ANKS1B: variants seen among roughly 807,000 people sequenced by gnomAD.
The protein encoded by ANKS1B is ankyrin repeat and sterile alpha motif domain-containing protein 1B.
Under a neutral mutation model 148.3 loss-of-function variants are expected in ANKS1B, and 36 were observed. The observed-to-expected ratio is 0.24, with a 90% CI of 0.19 to 0.32. ANKS1B has a LOEUF of 0.32. ANKS1B is among the 10% of genes least tolerant of loss of function. The pLI is 1.00. For synonymous variants in ANKS1B, 542 were observed against 560.8 expected, an observed-to-expected ratio of 0.97 and a Z score of 0.47; for missense variants, 1,157 against 1,542.6, an observed-to-expected ratio of 0.75 and a Z score of 4.19.
intron 8 of ANKS1B, among the ~76,000 whole-genome samples, chr12:99,664,981 C>T (rs1278336501): frequency 6.6e-6 from 1 of 152,158 alleles, no homozygotes; most frequent in Non-Finnish European, 1.5e-5. Flanking sequence ...AAGTAATATT[C>T]CATTGTATGG....
intron 9 of ANKS1B, among the ~76,000 whole-genome samples, chr12:99,618,472 G>T (rs1020458172): frequency 6.6e-6 from 1 of 152,072 alleles, no homozygotes; most frequent in African/African-American, 2.4e-5. Flanking sequence ...AATTCAAGAA[G>T]GAAAATGGGA....
chr12:99,612,148 G>A (rs2097908092), intron 9 of ANKS1B, among the ~76,000 whole-genome samples: 1 of 152,048 alleles, frequency 6.6e-6, no homozygotes, highest in South Asian at 2.1e-4. Flanking sequence ...CCCAAGCAAT[G>A]CAAAGTCATG....
chr12:98,786,608 A>G (rs879332117), intron 22 of ANKS1B, among the ~76,000 whole-genome samples: 23 of 152,238 alleles, frequency 1.5e-4, no homozygotes, highest in Non-Finnish European at 2.5e-4. Context: ...ATGCAGAATC[A>G]GTAGTATGGA....
At position 99,179,730 on chromosome 12, in the gene ANKS1B, G is replaced by T. The variant is rs73373872; in HGVS notation, c.2420-25335C>A. ...CTCATCTATAAAATTAGGAAAATCT[G>T]TAAAGTGAGTACCTATATAATAGGG... is the stretch of plus-strand genomic sequence containing the variant. On this transcript the variant is annotated intron_variant, in intron 14 of 26. Coordinates refer to ENST00000683438, the MANE Select transcript of ANKS1B (RefSeq NM_001352186.2). Among the ~76,000 whole-genome samples the T allele has an allele frequency of 2.1e-3, 315 of 152,250 alleles. 1 individual carries two copies. Among genetic ancestry groups the T allele is most frequent in the African/African-American group, 7.4e-3 (307 of 41,540 alleles).
chr12:99,665,162 T>C (rs1041952255), intron 8 of ANKS1B, among the ~76,000 whole-genome samples: 2 of 152,210 alleles, frequency 1.3e-5, no homozygotes, highest in Non-Finnish European at 2.9e-5. Flanking sequence ...ACACGGTAAA[T>C]GCATCAAACT....
chr12:99,716,165 C>T (rs566242394), intron 8 of ANKS1B, among the ~76,000 whole-genome samples: 41 of 151,704 alleles, frequency 2.7e-4, no homozygotes, highest in Admixed American at 5.9e-4. Flanking sequence ...TTCCGTGCCC[C>T]GACCTCTTAT....
intron 9 of ANKS1B, among the ~76,000 whole-genome samples, chr12:99,559,644 G>A (rs955026958): frequency 1.3e-5 from 2 of 152,084 alleles, no homozygotes; most frequent in Non-Finnish European, 2.9e-5. Context: ...ATTCAATGAG[G>A]TAGGTTTTAT....
intron 15 of ANKS1B, among the ~76,000 whole-genome samples, chr12:99,133,164 G>A (rs954560256): frequency 3.3e-5 from 5 of 150,426 alleles, no homozygotes; most frequent in Admixed American, 6.7e-5. Context: ...CAATTCTTCC[G>A]CCTCAGCCTC....
rs186613411 is a variant in ANKS1B, at chr12:99,960,888, C to G, written c.134+23216G>C. Among the ~76,000 whole-genome samples the G allele has an allele frequency of 1.2e-3, 189 of 151,912 alleles. 1 individual carries two copies. The highest frequency in any genetic ancestry group is 4.3e-3 in the African/African-American group (178 of 41,222). Reference sequence around the variant, plus strand: ...AGCATTGCTATTAACACAATTGTCACTTTGGATAAGGTGTCCAACTGCATC... The same window carrying G: ...AGCATTGCTATTAACACAATTGTCAGTTTGGATAAGGTGTCCAACTGCATC... On this transcript the variant is annotated intron_variant, in intron 1 of 26. Coordinates refer to ENST00000683438, the MANE Select transcript of ANKS1B (RefSeq NM_001352186.2).
intron 14 of ANKS1B, among the ~76,000 whole-genome samples, chr12:99,212,121 A>T (rs1027753128): frequency 2.0e-5 from 3 of 152,234 alleles, no homozygotes; most frequent in African/African-American, 7.2e-5. Context: ...GGGCGGCTAC[A>T]GTACTTCCGT....
At chr12:99,817,351 T>C (rs886486759) in intron 2 of ANKS1B, among the ~76,000 whole-genome samples, 5 of 151,722 alleles carry the variant, frequency 3.3e-5, no homozygotes, top group African/African-American at 9.7e-5. Flanking sequence ...GATTTCATTC[T>C]TTTTTATGGT....
chr12:99,159,564 C>CT (rs1566515166), intron 14 of ANKS1B, among the ~76,000 whole-genome samples: 1 of 151,814 alleles, frequency 6.6e-6, no homozygotes. Context: ...AATTTTTTTT[C>CT]TTTTTTTATG....
intron 1 of ANKS1B, among the ~76,000 whole-genome samples, chr12:99,921,413 T>G (rs767257097): frequency 5.3e-5 from 8 of 152,154 alleles, no homozygotes; most frequent in Non-Finnish European, 8.8e-5. Flanking sequence ...TTAAACGTCT[T>G]CCTTTTATAA....
chr12:98,854,527 A>G (rs192096046), intron 17 of ANKS1B, among the ~76,000 whole-genome samples: 1 of 152,354 alleles, frequency 6.6e-6, no homozygotes, highest in East Asian at 1.9e-4. Context: ...GAAGGAAACA[A>G]GTTCAGGGAG....
chr12:99,652,048 A>G (rs1468412399), intron 9 of ANKS1B, among the ~76,000 whole-genome samples: 2 of 149,116 alleles, frequency 1.3e-5, no homozygotes, highest in Non-Finnish European at 3.0e-5. Flanking sequence ...AACATGTTAT[A>G]TATACATAAA....
chr12:99,809,825 TA>T (rs2068103021), intron 3 of ANKS1B, among the ~76,000 whole-genome samples: 1 of 152,078 alleles, frequency 6.6e-6, no homozygotes, highest in Non-Finnish European at 1.5e-5. Context: ...TGCATAATTT[TA>T]ACATAACATA....
At chr12:99,225,777 C>T (rs191742610) in intron 14 of ANKS1B, among the ~76,000 whole-genome samples, 2 of 152,328 alleles carry the variant, frequency 1.3e-5, no homozygotes, top group Non-Finnish European at 2.9e-5. Context: ...AGACTGAAGG[C>T]TGCACTGTCG....
intron 1 of ANKS1B, among the ~76,000 whole-genome samples, chr12:99,869,541 C>T (rs1410848967): frequency 6.6e-6 from 1 of 151,898 alleles, no homozygotes; most frequent in Admixed American, 6.6e-5. Flanking sequence ...ATTAGCCAGG[C>T]GTGCTGGAGC....
intron 17 of ANKS1B, chr12:98,949,766 G>T (rs1347129479): frequency 1.3e-5 from 2 of 152,206 alleles, no homozygotes; most frequent in Non-Finnish European, 2.9e-5. Flanking sequence ...GATGGTGAAA[G>T]AATCAACCTC....
Sources: allele counts gnomAD v4.1 joint callset (sites outside exome capture counted in the v4.1 genomes callset), GRCh38; gene constraint gnomAD v4.1.1; transcripts MANE v1.5; gene names NCBI Gene and HGNC (gene_info 2026-07-23, HGNC 2026-07-21).